SPMAP2L: variants seen among roughly 807,000 people sequenced by gnomAD.
SPMAP2L encodes the protein sperm microtubule associated protein 2-like.
At chr4:56,550,301 T>A in the SPMAP2L span, among the ~76,000 whole-genome samples, 3 of 152,032 alleles carry the variant, frequency 2.0e-5, no homozygotes, top group Admixed American at 6.6e-5. Context: ...TTTACCATGC[T>A]TCTAGATTTT....
the SPMAP2L span, among the ~76,000 whole-genome samples, chr4:56,543,943 A>T: frequency 1.1e-3 from 150 of 132,986 alleles, 1 homozygote; most frequent in African/African-American, 4.1e-3. Context: ...AGAGAGAGAG[A>T]GAGAGAGTGT....
the SPMAP2L span, among the ~76,000 whole-genome samples, chr4:56,596,103 G>A: frequency 6.6e-6 from 1 of 152,140 alleles, no homozygotes; most frequent in African/African-American, 2.4e-5. Context: ...CCATCTGTGG[G>A]AAATCCCAGG....
the SPMAP2L span, among the ~76,000 whole-genome samples, chr4:56,617,392 A>ACTAC: frequency 1.3e-5 from 2 of 152,130 alleles, no homozygotes; most frequent in African/African-American, 2.4e-5. Flanking sequence ...GTTTTTTCCT[A>ACTAC]CTACCTACCT....
the SPMAP2L span, among the ~76,000 whole-genome samples, chr4:56,621,723 T>A: frequency 6.6e-6 from 1 of 152,206 alleles, no homozygotes; most frequent in African/African-American, 2.4e-5. Flanking sequence ...ATGTAAAAGG[T>A]TAGATATACA....
the SPMAP2L span, among the ~76,000 whole-genome samples, chr4:56,591,652 G>A: frequency 5.9e-5 from 9 of 152,108 alleles, no homozygotes; most frequent in Non-Finnish European, 1.2e-4. Flanking sequence ...CACAGTTAAA[G>A]CCCCATTTTA....
the SPMAP2L span, among the ~76,000 whole-genome samples, chr4:56,606,489 G>A: frequency 2.0e-5 from 3 of 151,768 alleles, no homozygotes; most frequent in African/African-American, 7.3e-5. Flanking sequence ...TCCCATATAG[G>A]TGCCCTGATG....
At chr4:56,589,126 T>C in the SPMAP2L span, among the ~76,000 whole-genome samples, 126 of 152,024 alleles carry the variant, frequency 8.3e-4, 2 homozygotes, top group Middle Eastern at 3.4e-3. Flanking sequence ...GTAGTTGGGA[T>C]TACAGGCGCC....
chr4:56,592,914 G>A, the SPMAP2L span: 5 of 1,607,458 alleles, frequency 3.1e-6, no homozygotes, highest in Non-Finnish European at 3.4e-6. Flanking sequence ...GGGCTGGCGA[G>A]CATTGATGAA....
the SPMAP2L span, among the ~76,000 whole-genome samples, chr4:56,582,452 G>C: frequency 6.6e-6 from 1 of 152,064 alleles, no homozygotes; most frequent in African/African-American, 2.4e-5. Context: ...ATGAAAAGAT[G>C]CTCAGCATCA....
chr4:56,573,977 G>A, the SPMAP2L span, among the ~76,000 whole-genome samples: 10 of 152,310 alleles, frequency 6.6e-5, no homozygotes, highest in Non-Finnish European at 7.3e-5. Context: ...ATCTGTGAAC[G>A]TCCTAAAGGA....
the SPMAP2L span, among the ~76,000 whole-genome samples, chr4:56,542,406 A>G: frequency 6.6e-6 from 1 of 151,602 alleles, no homozygotes; most frequent in East Asian, 1.9e-4. Context: ...CATGATGGGT[A>G]TGGCTCATGT....
At chr4:56,534,828 C>T in the SPMAP2L span, among the ~76,000 whole-genome samples, 2 of 152,142 alleles carry the variant, frequency 1.3e-5, no homozygotes, top group African/African-American at 2.4e-5. Context: ...ACTCGGGAGG[C>T]TAAGGCAGGA....
the SPMAP2L span, among the ~76,000 whole-genome samples, chr4:56,608,170 G>A: frequency 6.6e-6 from 1 of 152,112 alleles, no homozygotes; most frequent in Admixed American, 6.6e-5. Flanking sequence ...ATATTTGCAG[G>A]AGAAGTCTCT....
the SPMAP2L span, among the ~76,000 whole-genome samples, chr4:56,624,454 T>C: frequency 1.3e-5 from 2 of 152,146 alleles, no homozygotes; most frequent in Non-Finnish European, 2.9e-5. Context: ...CCCAAGACCA[T>C]GGGGAAAATG....
At chr4:56,592,938 C>T in the SPMAP2L span, 101 of 1,603,594 alleles carry the variant, frequency 6.3e-5, no homozygotes, top group East Asian at 1.9e-3. Context: ...ATCGAGAAGA[C>T]GGTCCCTGCC....
At chr4:56,553,802 C>T in the SPMAP2L span, among the ~76,000 whole-genome samples, 1 of 152,146 alleles carries the variant, frequency 6.6e-6, no homozygotes, top group African/African-American at 2.4e-5. Context: ...TTTCATCGCC[C>T]TAAAAATTAC....
chr4:56,568,812 C>T, the SPMAP2L span, among the ~76,000 whole-genome samples: 12 of 152,322 alleles, frequency 7.9e-5, no homozygotes, highest in African/African-American at 1.9e-4. Context: ...TCAGTTCTTA[C>T]GCCCCTTCAA....
the SPMAP2L span, chr4:56,552,691 C>T: frequency 1.2e-6 from 1 of 805,036 alleles, no homozygotes; most frequent in Non-Finnish European, 2.1e-6. Flanking sequence ...TTTATCCATC[C>T]ACCTCTACTT....
chr4:56,579,477 A>T, the SPMAP2L span, among the ~76,000 whole-genome samples: 3 of 76,940 alleles, frequency 3.9e-5, no homozygotes, highest in East Asian at 7.5e-4. Flanking sequence ...TGCCTATATT[A>T]AAAAAAAAAG....
Sources: allele counts gnomAD v4.1 joint callset (sites outside exome capture counted in the v4.1 genomes callset), GRCh38; gene constraint gnomAD v4.1.1; transcripts MANE v1.5; gene names NCBI Gene and HGNC (gene_info 2026-07-23, HGNC 2026-07-21).